Variants in CHCHD3 observed in about 807,000 individuals in gnomAD.
CHCHD3 encodes coiled-coil-helix-coiled-coil-helix domain containing 3, also known as MICOS complex subunit MIC19.
CHCHD3 carries 20 observed loss-of-function variants against 38.2 expected under a neutral mutation model. That is an observed-to-expected ratio of 0.52 (90% CI 0.37 to 0.76). The LOEUF is 0.76. Among genes scored for constraint, CHCHD3 ranks in the 30% least tolerant of loss-of-function variants. The pLI, the probability that CHCHD3 is intolerant of heterozygous loss-of-function variation, is 0.00. For synonymous variants in CHCHD3, 82 were observed against 100.0 expected (o/e 0.82, Z 1.07); for missense variants, 245 against 279.2 (o/e 0.88, Z 0.87).
At chr7:132,844,358 T>G (rs1391537031) in intron 5 of CHCHD3, among the ~76,000 whole-genome samples, 2 of 152,218 alleles carry the variant, frequency 1.3e-5, no homozygotes, top group African/African-American at 4.8e-5. Flanking sequence ...TGGTCTAAGG[T>G]GATCTTCTAA....
At chr7:132,841,780 G>A (rs1178677950) in intron 5 of CHCHD3, among the ~76,000 whole-genome samples, 1 of 152,154 alleles carries the variant, frequency 6.6e-6, no homozygotes, top group African/African-American at 2.4e-5. Context: ...GTGTGGGCGT[G>A]CAGCTAGTCA....
intron 4 of CHCHD3, among the ~76,000 whole-genome samples, chr7:132,895,700 G>A (rs1362053888): frequency 6.6e-6 from 1 of 152,206 alleles, no homozygotes; most frequent in African/African-American, 2.4e-5. Flanking sequence ...CTCTTTGCCT[G>A]CCACTATGTA....
intron 3 of CHCHD3, among the ~76,000 whole-genome samples, chr7:132,981,022 C>G (rs548258599): frequency 6.6e-6 from 1 of 152,206 alleles, no homozygotes; most frequent in Non-Finnish European, 1.5e-5. Context: ...GTCTTGCTCT[C>G]TTGCCCAGGC....
chr7:133,047,779 T>A (rs759731170), intron 2 of CHCHD3, among the ~76,000 whole-genome samples: 2 of 152,194 alleles, frequency 1.3e-5, no homozygotes, highest in Middle Eastern at 3.2e-3. Flanking sequence ...GCTTCAGTTT[T>A]GGACCCAGTA....
intron 2 of CHCHD3, among the ~76,000 whole-genome samples, chr7:133,047,555 AAT>A (rs1185258855): frequency 6.6e-6 from 1 of 152,226 alleles, no homozygotes; most frequent in Non-Finnish European, 1.5e-5. Context: ...TTTTTGTTCA[AAT>A]ATGTTTTACG....
intron 2 of CHCHD3, among the ~76,000 whole-genome samples, chr7:133,048,100 C>T (rs543005639): frequency 2.0e-5 from 3 of 151,050 alleles, no homozygotes; most frequent in Non-Finnish European, 3.0e-5. Flanking sequence ...AAAACAACAA[C>T]GACAACAACA....
At chr7:132,990,840 C>G (rs1812258917) in intron 3 of CHCHD3, among the ~76,000 whole-genome samples, 1 of 151,966 alleles carries the variant, frequency 6.6e-6, no homozygotes, top group Non-Finnish European at 1.5e-5. Flanking sequence ...AAAAGACCTT[C>G]CAACTTGAAC....
chr7:132,975,138 A>C (rs750036135), intron 4 of CHCHD3, 31 bp downstream of exon 4: 1 of 1,561,790 alleles, frequency 6.4e-7, no homozygotes, highest in African/African-American at 1.4e-5. Context: ...CTTGTAGGCA[A>C]GAAAATTTCT....
At chr7:132,828,561 C>G (rs983589060) in intron 6 of CHCHD3, among the ~76,000 whole-genome samples, 4 of 152,152 alleles carry the variant, frequency 2.6e-5, no homozygotes, top group African/African-American at 9.7e-5. Flanking sequence ...CTTGACAAGA[C>G]TGAAACCATG....
At chr7:132,901,337 C>G (rs991791225) in intron 4 of CHCHD3, among the ~76,000 whole-genome samples, 7 of 151,876 alleles carry the variant, frequency 4.6e-5, no homozygotes, top group Non-Finnish European at 8.9e-5. Flanking sequence ...GCTCAAAGCA[C>G]GAGTCATCTG....
intron 5 of CHCHD3, among the ~76,000 whole-genome samples, chr7:132,871,996 G>A (rs1452925863): frequency 2.0e-5 from 3 of 152,182 alleles, no homozygotes; most frequent in Non-Finnish European, 4.4e-5. Flanking sequence ...CAGAGAGAAC[G>A]CAAGCATGGA....
chr7:133,055,986 A>C (rs1444744831), intron 2 of CHCHD3, among the ~76,000 whole-genome samples: 1 of 152,094 alleles, frequency 6.6e-6, no homozygotes, highest in Non-Finnish European at 1.5e-5. Flanking sequence ...CTCTACAAAA[A>C]AGAAAAAAGT....
rs10267503 is a variant in CHCHD3 at position 132,807,372 on chromosome 7, T to A, written c.525-10795A>T. ...ATATCTAAGGCAGGAATATATTTAC[T>A]CATTTACTGATGGGCTTCACCTCAC... On this transcript the variant is annotated intron_variant, in intron 6 of 7. Transcript: ENST00000262570. 5.0e-3 allele frequency among the ~76,000 whole-genome samples: 757 copies of A among 151,806 alleles called. 8 individuals carry two copies. Among genetic ancestry groups the A allele is most frequent in the African/African-American group, 0.017 (711 of 41,410 alleles).
At chr7:132,855,067 T>G (rs1585574902) in intron 5 of CHCHD3, among the ~76,000 whole-genome samples, 1 of 152,368 alleles carries the variant, frequency 6.6e-6, no homozygotes, top group Non-Finnish European at 1.5e-5. Context: ...CCAGGAATGG[T>G]GTGTTTAAAC....
chr7:132,827,656 C>T (rs1484010251), intron 6 of CHCHD3, among the ~76,000 whole-genome samples: 1 of 152,194 alleles, frequency 6.6e-6, no homozygotes, highest in African/African-American at 2.4e-5. Context: ...CAGAATACAA[C>T]AGAATATTCC....
chr7:132,887,064 CA>C, intron 4 of CHCHD3: 1 of 725,772 alleles, frequency 1.4e-6, no homozygotes. Context: ...CACACACACA[CA>C]AAATCTGATG....
intron 4 of CHCHD3, among the ~76,000 whole-genome samples, chr7:132,957,048 A>C (rs909018287): frequency 4.6e-5 from 7 of 152,196 alleles, no homozygotes; most frequent in Non-Finnish European, 1.0e-4. Flanking sequence ...AAATGTGCAG[A>C]AAGATCCCTG....
chr7:133,033,449 T>G (rs1813558111), intron 2 of CHCHD3, among the ~76,000 whole-genome samples: 1 of 152,134 alleles, frequency 6.6e-6, no homozygotes, highest in Admixed American at 6.5e-5. Context: ...CCTGAAGTGG[T>G]GCCGTACTCC....
intron 4 of CHCHD3, among the ~76,000 whole-genome samples, chr7:132,915,197 G>A (rs1360149440): frequency 6.6e-6 from 1 of 151,804 alleles, no homozygotes; most frequent in Non-Finnish European, 1.5e-5. Flanking sequence ...ACCTCAACAA[G>A]CTCTCAAGGT....
Sources: allele counts gnomAD v4.1 joint callset (sites outside exome capture counted in the v4.1 genomes callset), GRCh38; gene constraint gnomAD v4.1.1; transcripts MANE v1.5; gene names NCBI Gene and HGNC (gene_info 2026-07-23, HGNC 2026-07-21).